The following NXPH1 variants were observed in gnomAD, a reference collection of about 807,000 sequenced individuals.
The protein encoded by NXPH1 is neurexophilin 1, also known as neurexophilin-1.
NXPH1 carries 5 observed loss-of-function variants against 23.7 expected under a neutral mutation model. The ratio of observed to expected loss-of-function variants is 0.21; its 90% CI spans 0.11 to 0.44. NXPH1 has a LOEUF of 0.44. Among genes scored for constraint, NXPH1 ranks in the 20% least tolerant of loss-of-function variants. The pLI, the probability that NXPH1 is intolerant of heterozygous loss-of-function variation, is 0.99. For synonymous variants in NXPH1, 144 were observed against 122.2 expected, an observed-to-expected ratio of 1.18 and a Z score of -1.18; for missense variants, 324 against 321.6, an observed-to-expected ratio of 1.01 and a Z score of -0.06.
At chr7:8,552,657 G>A (rs1236733245) in intron 2 of NXPH1, among the ~76,000 whole-genome samples, 1 of 151,484 alleles carries the variant, frequency 6.6e-6, no homozygotes, top group African/African-American at 2.4e-5. Flanking sequence ...AATGTGCTAT[G>A]TGCTGTCAAG....
intron 2 of NXPH1, among the ~76,000 whole-genome samples, chr7:8,631,405 C>G (rs1820125449): frequency 1.3e-5 from 2 of 152,036 alleles, no homozygotes; most frequent in African/African-American, 4.8e-5. Context: ...GCAATGGCAA[C>G]AAAATCAAAA....
chr7:8,504,262 A>C (rs1004142739), intron 2 of NXPH1, among the ~76,000 whole-genome samples: 2 of 151,972 alleles, frequency 1.3e-5, no homozygotes, highest in Non-Finnish European at 2.9e-5. Context: ...CCTCCACCCT[A>C]TTATTAGATC....
intron 2 of NXPH1, among the ~76,000 whole-genome samples, chr7:8,556,629 A>C (rs1305057866): frequency 1.3e-5 from 2 of 151,720 alleles, no homozygotes; most frequent in Non-Finnish European, 3.0e-5. Flanking sequence ...ATCAGAAACA[A>C]ACCCTACCTC....
At chr7:8,547,110 A>G (rs1818207914) in intron 2 of NXPH1, among the ~76,000 whole-genome samples, 1 of 151,506 alleles carries the variant, frequency 6.6e-6, no homozygotes, top group African/African-American at 2.4e-5. Flanking sequence ...ATTTCCCATT[A>G]AGGTCCAACT....
At chr7:8,516,353 CATCA>C (rs1417184305) in intron 2 of NXPH1, among the ~76,000 whole-genome samples, 1 of 152,074 alleles carries the variant, frequency 6.6e-6, no homozygotes, top group Non-Finnish European at 1.5e-5. Context: ...GCAATAGAAT[CATCA>C]ATCAATAAGA....
intron 2 of NXPH1, among the ~76,000 whole-genome samples, chr7:8,536,112 T>G (rs1034477591): frequency 1.3e-5 from 2 of 152,196 alleles, no homozygotes. Context: ...GTCTTCCCAC[T>G]TGATTGAGTT....
chr7:8,660,327 A>G (rs1038782297), intron 2 of NXPH1, among the ~76,000 whole-genome samples: 8 of 152,166 alleles, frequency 5.3e-5, no homozygotes, highest in African/African-American at 1.9e-4. Context: ...AAACTCTTGG[A>G]CTTACCTTAC....
chr7:8,711,307 G>A (rs1779791050), intron 2 of NXPH1, among the ~76,000 whole-genome samples: 1 of 152,068 alleles, frequency 6.6e-6, no homozygotes, highest in African/African-American at 2.4e-5. Flanking sequence ...GTAACATATT[G>A]TTAGGCTAGT....
intron 2 of NXPH1, among the ~76,000 whole-genome samples, chr7:8,737,020 G>C (rs183926651): frequency 2.0e-5 from 3 of 151,480 alleles, no homozygotes; most frequent in African/African-American, 4.9e-5. Context: ...TTGAGCGTGC[G>C]TGTGTGTTTG....
In NXPH1 at chr7:8,554,181, T is replaced by TAA. The variant is rs1345047605; in HGVS notation, c.54+118415_54+118416dup. 7.3e-5 allele frequency among the ~76,000 whole-genome samples: 11 copies of TAA among 151,244 alleles called. No homozygotes were observed. The South Asian group carries it at 2.3e-3, about 31-fold the overall frequency. ...TGATGGAAGAAAAAAGCAAAAAAAA[T>TAA]AAGACTATGCCAATGTTAGATACTA... On this transcript the variant is annotated intron_variant, in intron 2 of 2. Coordinates refer to ENST00000405863, the MANE Select transcript of NXPH1 (RefSeq NM_152745.3).
Position 8,751,031 on chromosome 7 carries a change from C to A in NXPH1, c.78C>A (p.Asn26Lys), listed in dbSNP as rs556234370. 1 of 1,613,562 alleles carries A rather than the reference C, an allele frequency of 6.2e-7. No individual in the cohort carries two copies. Among genetic ancestry groups the A allele is most frequent in the African/African-American group, 1.3e-5 (1 of 75,024 alleles). ...AGGTCACATGTGCCAATTTAACGAA[C>A]GGTGGAAAGTCAGAACTTCTGAAAT... ...VYLVTCANLT[N>K]GGKSELLKSG... The change falls in exon 3 of 3, where the codon AAC becomes AAA. Residue 26 changes from asparagine to lysine, a missense_variant. Physicochemically the swap from Asn to Lys is moderately conservative, Grantham distance 94. Transcript: ENST00000405863. The surrounding 1 kb of genome is among the most constrained non-coding windows in gnomAD (Gnocchi z 4.5).
chr7:8,607,816 G>GA (rs1819526912), intron 2 of NXPH1, among the ~76,000 whole-genome samples: 1 of 152,180 alleles, frequency 6.6e-6, no homozygotes, highest in African/African-American at 2.4e-5. Context: ...ACCCAATTTG[G>GA]AAATAGAGTC....
intron 2 of NXPH1, among the ~76,000 whole-genome samples, chr7:8,702,631 G>A (rs1779642429): frequency 6.6e-6 from 1 of 152,032 alleles, no homozygotes. Flanking sequence ...GCTCCATTTA[G>A]TGTGGACAAT....
chr7:8,525,452 C>G (rs1817846162), intron 2 of NXPH1, among the ~76,000 whole-genome samples: 1 of 152,202 alleles, frequency 6.6e-6, no homozygotes, highest in Non-Finnish European at 1.5e-5. Context: ...TTCAAGCTGG[C>G]TGCAGAAATT....
chr7:8,612,233 A>C (rs879698873), intron 2 of NXPH1, among the ~76,000 whole-genome samples: 2 of 127,280 alleles, frequency 1.6e-5, no homozygotes, highest in African/African-American at 3.0e-5. Context: ...TTTTTTTTAC[A>C]TTCTCCCCTT....
chr7:8,668,209 A>G (rs1820808777), intron 2 of NXPH1, among the ~76,000 whole-genome samples: 1 of 149,214 alleles, frequency 6.7e-6, no homozygotes, highest in Non-Finnish European at 1.5e-5. Flanking sequence ...CTTTGTGGTC[A>G]GCAACTGAGA....
At chr7:8,707,940 C>CT (rs957591579) in intron 2 of NXPH1, among the ~76,000 whole-genome samples, 2 of 151,714 alleles carry the variant, frequency 1.3e-5, no homozygotes, top group Admixed American at 6.6e-5. Context: ...CAGATAAAAG[C>CT]TTTTTTTTCT....
At chr7:8,711,465 A>G (rs913950763) in intron 2 of NXPH1, among the ~76,000 whole-genome samples, 2 of 152,200 alleles carry the variant, frequency 1.3e-5, no homozygotes, top group East Asian at 1.9e-4. Flanking sequence ...GGAAGCTCAT[A>G]ATCTGGTTTG....
intron 2 of NXPH1, among the ~76,000 whole-genome samples, chr7:8,679,254 T>A (rs749467782): frequency 1.3e-5 from 2 of 151,960 alleles, no homozygotes; most frequent in East Asian, 3.9e-4. Context: ...GCCTGCTTTA[T>A]CCAATTCTTA....
Sources: gnomAD v4.1 joint callset for allele counts (sites outside exome capture counted in the v4.1 genomes callset) on GRCh38, gnomAD v4.1.1 for gene constraint, Gnocchi (gnomAD v3.1) non-coding constraint, MANE v1.5 for transcripts, NCBI Gene and HGNC (gene_info 2026-07-23, HGNC 2026-07-21) for gene names.